Variants in DCDC1 observed in about 807,000 individuals in gnomAD.
The protein encoded by DCDC1 is doublecortin domain-containing protein 1.
Under a neutral mutation model 178.3 loss-of-function variants are expected in DCDC1, and 200 were observed. The observed-to-expected ratio is 1.12, with a 90% CI of 1.00 to 1.26. The LOEUF (loss-of-function observed/expected upper bound fraction) is 1.26, where lower values mean the gene tolerates loss of function less well. Ranked by LOEUF, DCDC1 falls within the 50% of genes most tolerant of loss-of-function variation. The probability of loss-of-function intolerance (pLI) is 0.00; values close to 1 mark genes in which losing one functional copy is unlikely to be tolerated. For missense variants in DCDC1, 1,983 were observed against 1,749.2 expected (o/e 1.13, Z -2.38); for synonymous variants, 690 against 604.8 (o/e 1.14, Z -2.07).
intron 9 of DCDC1, among the ~76,000 whole-genome samples, chr11:31,199,092 T>A (rs183321362): frequency 2.0e-5 from 3 of 152,018 alleles, no homozygotes; most frequent in Non-Finnish European, 4.4e-5. Context: ...TTCAAAGAAG[T>A]TATTTAACTA....
At chr11:31,166,592 A>G (rs1026322149) in intron 9 of DCDC1, among the ~76,000 whole-genome samples, 1 of 152,206 alleles carries the variant, frequency 6.6e-6, no homozygotes, top group Non-Finnish European at 1.5e-5. Context: ...AAGTAACTAG[A>G]AATGAGTGAA....
At chr11:30,894,868 A>T (rs1944080013) in intron 34 of DCDC1, among the ~76,000 whole-genome samples, 1 of 152,076 alleles carries the variant, frequency 6.6e-6, no homozygotes, top group East Asian at 1.9e-4. Context: ...ATCTAATAAT[A>T]CCCTGCGAGC....
At position 30,900,351 on chromosome 11, in the gene DCDC1, G is replaced by C. The variant is rs1238423917; in HGVS notation, c.4658C>G (p.Pro1553Arg). The change falls in exon 33 of 39, where the codon CCA becomes CGA. Residue 1553 changes from proline to arginine, a missense_variant. Coordinates refer to ENST00000684477, the MANE Select transcript of DCDC1 (RefSeq NM_001387274.1). The stretch of plus-strand genomic sequence containing the variant: ...AGCAAAAACAAAAAAGTTACCATTT[G>C]GAGGTAGAAATGGTTCACCACAAGA... The part of the protein sequence containing the change: ...WVSCGEPFLP[P>R]NALQKAEKLE... The C allele has an allele frequency of 6.6e-7, 1 of 1,520,156 alleles. No individual in the cohort carries two copies. The highest frequency in any genetic ancestry group is 8.8e-7 in the Non-Finnish European group (1 of 1,134,808). The allele number at this position is 1,520,156 out of a possible 1,614,324, so 94.2% of individuals were successfully genotyped here.
intron 8 of DCDC1, among the ~76,000 whole-genome samples, chr11:31,251,302 G>T (rs767407267): frequency 6.6e-6 from 1 of 152,182 alleles, no homozygotes; most frequent in African/African-American, 2.4e-5. Flanking sequence ...AACTTGATGG[G>T]ATCACAGGGT....
intron 9 of DCDC1, among the ~76,000 whole-genome samples, chr11:31,210,873 T>C (rs971042590): frequency 3.3e-5 from 5 of 152,168 alleles, no homozygotes; most frequent in Non-Finnish European, 5.9e-5. Context: ...GAGGATATCT[T>C]ACTCACATTC....
chr11:31,187,197 A>C (rs1969603918), intron 9 of DCDC1, among the ~76,000 whole-genome samples: 1 of 152,218 alleles, frequency 6.6e-6, no homozygotes, highest in South Asian at 2.1e-4. Context: ...GACACATAGT[A>C]GGTACTTAGT....
intron 9 of DCDC1, among the ~76,000 whole-genome samples, chr11:31,225,671 G>A (rs565759079): frequency 2.0e-5 from 3 of 148,240 alleles, no homozygotes; most frequent in African/African-American, 7.5e-5. Context: ...CCTCTAGAGA[G>A]GAAGCACAGG....
intron 11 of DCDC1, among the ~76,000 whole-genome samples, chr11:31,127,002 T>G (rs1376782679): frequency 6.6e-6 from 1 of 152,192 alleles, no homozygotes; most frequent in Non-Finnish European, 1.5e-5. Context: ...CCAACATGTG[T>G]CACACTTATC....
At chr11:30,934,791 G>A (rs1228587640) in intron 21 of DCDC1, among the ~76,000 whole-genome samples, 1 of 152,176 alleles carries the variant, frequency 6.6e-6, no homozygotes, top group African/African-American at 2.4e-5. Flanking sequence ...TACTCTTGTT[G>A]AGGGCTTGTA....
intron 37 of DCDC1, among the ~76,000 whole-genome samples, chr11:30,880,783 C>A (rs961463434): frequency 6.6e-6 from 1 of 152,044 alleles, no homozygotes; most frequent in Admixed American, 6.6e-5. Context: ...AAAGAAACTG[C>A]AAACCACATA....
intron 21 of DCDC1, among the ~76,000 whole-genome samples, chr11:30,933,837 C>T (rs1333877921): frequency 6.6e-6 from 1 of 152,172 alleles, no homozygotes; most frequent in East Asian, 1.9e-4. Flanking sequence ...AACCTTCTAC[C>T]CAACATGTAA....
intron 6 of DCDC1, among the ~76,000 whole-genome samples, chr11:31,301,471 G>T (rs1448418926): frequency 1.3e-5 from 2 of 152,142 alleles, no homozygotes; most frequent in Non-Finnish European, 1.5e-5. Context: ...GGTATGATGT[G>T]ATGTGAGTAG....
At chr11:31,206,930 T>C (rs898106167) in intron 9 of DCDC1, among the ~76,000 whole-genome samples, 1 of 152,198 alleles carries the variant, frequency 6.6e-6, no homozygotes, top group African/African-American at 2.4e-5. Context: ...TAGTTGTATA[T>C]ATTTTTAATA....
chr11:31,064,745 C>T (rs1956153071), intron 19 of DCDC1, 119 bp from the exon 20 acceptor site: 2 of 625,484 alleles, frequency 3.2e-6, no homozygotes. Context: ...TTCTACAACA[C>T]ATAAGTCCTT....
At chr11:31,036,866 A>C (rs1954072510) in intron 20 of DCDC1, among the ~76,000 whole-genome samples, 1 of 151,978 alleles carries the variant, frequency 6.6e-6, no homozygotes, top group South Asian at 2.2e-4. Flanking sequence ...TGGTATACTT[A>C]TTATATGATA....
chr11:31,314,712 T>C (rs987442938), intron 3 of DCDC1, among the ~76,000 whole-genome samples: 1 of 150,342 alleles, frequency 6.7e-6, no homozygotes, highest in African/African-American at 2.5e-5. Flanking sequence ...AGAGTTTATC[T>C]GATTAGGTCA....
At chr11:31,146,301 GT>G (rs1964446638) in intron 9 of DCDC1, among the ~76,000 whole-genome samples, 1 of 152,054 alleles carries the variant, frequency 6.6e-6, no homozygotes, top group African/African-American at 2.4e-5. Context: ...GGCCAGGCTG[GT>G]CTTGAACTCC....
intron 9 of DCDC1, among the ~76,000 whole-genome samples, chr11:31,146,644 T>C (rs1317652888): frequency 6.6e-6 from 1 of 152,174 alleles, no homozygotes; most frequent in Admixed American, 6.5e-5. Flanking sequence ...TGTGAACTTG[T>C]GGCCCATTCT....
intron 20 of DCDC1, among the ~76,000 whole-genome samples, chr11:31,029,027 T>G (rs960688796): frequency 1.3e-5 from 2 of 152,046 alleles, no homozygotes; most frequent in East Asian, 3.9e-4. Flanking sequence ...ACGATGACAA[T>G]GTTGAACATG....
Sources: allele counts gnomAD v4.1 joint callset (sites outside exome capture counted in the v4.1 genomes callset), GRCh38; gene constraint gnomAD v4.1.1; transcripts MANE v1.5; gene names NCBI Gene and HGNC (gene_info 2026-07-23, HGNC 2026-07-21).